Variants in CSTPP1 observed in about 807,000 individuals in gnomAD.
The protein encoded by CSTPP1 is centriolar satellite-associated tubulin polyglutamylase complex regulator 1, also known as UPF0705 protein C11orf49.
chr11:46,948,076 A>G, the CSTPP1 span: 1 of 456,286 alleles, frequency 2.2e-6, no homozygotes, highest in South Asian at 1.5e-5. Flanking sequence ...GAAAGGCCAC[A>G]CGTCTTCGGC....
chr11:47,120,148 G>A, the CSTPP1 span, among the ~76,000 whole-genome samples: 1 of 152,174 alleles, frequency 6.6e-6, no homozygotes. This position sits in a 1 kb window ranked among gnomAD's most constrained non-coding sequence, Gnocchi z 4.2. Flanking sequence ...GCTTCTGTGG[G>A]TTTAGGGTAC....
the CSTPP1 span, among the ~76,000 whole-genome samples, chr11:46,965,072 G>T: frequency 6.6e-6 from 1 of 151,980 alleles, no homozygotes; most frequent in Admixed American, 6.6e-5. Context: ...TTTATTCAAA[G>T]AAACCATAAA....
the CSTPP1 span, among the ~76,000 whole-genome samples, chr11:46,939,980 C>T: frequency 6.6e-6 from 1 of 152,180 alleles, no homozygotes; most frequent in Non-Finnish European, 1.5e-5. Flanking sequence ...AAGCCATTCT[C>T]CTGCCCCAGC....
chr11:46,943,143 A>C, the CSTPP1 span, among the ~76,000 whole-genome samples: 1 of 152,214 alleles, frequency 6.6e-6, no homozygotes, highest in Admixed American at 6.5e-5. Context: ...TGGAATATGA[A>C]TAATCTGACC....
chr11:46,941,449 C>T, the CSTPP1 span, among the ~76,000 whole-genome samples: 1 of 152,168 alleles, frequency 6.6e-6, no homozygotes, highest in Non-Finnish European at 1.5e-5. Context: ...AAGTGATTCT[C>T]GTGTCTCAGC....
the CSTPP1 span, among the ~76,000 whole-genome samples, chr11:47,017,593 A>G: frequency 2.0e-5 from 3 of 151,388 alleles, no homozygotes; most frequent in East Asian, 3.9e-4. Context: ...CCTGACAACC[A>G]CTGATTTGTT....
chr11:47,005,988 T>G, the CSTPP1 span, among the ~76,000 whole-genome samples: 1 of 152,172 alleles, frequency 6.6e-6, no homozygotes, highest in Admixed American at 6.5e-5. Context: ...GACCAGAAAT[T>G]TCAACTCTTA....
the CSTPP1 span, among the ~76,000 whole-genome samples, chr11:47,163,612 G>A: frequency 1.3e-5 from 2 of 152,122 alleles, no homozygotes; most frequent in African/African-American, 2.4e-5. Context: ...TCCCATTAAC[G>A]TCTAAGAGTA....
the CSTPP1 span, among the ~76,000 whole-genome samples, chr11:47,023,817 TTGTA>T: frequency 6.6e-6 from 1 of 152,214 alleles, no homozygotes; most frequent in African/African-American, 2.4e-5. Flanking sequence ...TAATAGTCCG[TTGTA>T]TGTATGTATC....
At chr11:47,004,108 A>T in the CSTPP1 span, among the ~76,000 whole-genome samples, 2 of 150,874 alleles carry the variant, frequency 1.3e-5, no homozygotes, top group African/African-American at 4.9e-5. Context: ...GAAGATCTTG[A>T]GGACTTTTTA....
At chr11:47,052,628 T>A in the CSTPP1 span, 12 of 1,391,448 alleles carry the variant, frequency 8.6e-6, no homozygotes, top group African/African-American at 1.6e-4. Context: ...TCTTTCTCTT[T>A]CAAACTTTTT....
the CSTPP1 span, chr11:47,052,869 G>A: frequency 2.4e-5 from 4 of 166,018 alleles, no homozygotes; most frequent in Non-Finnish European, 5.2e-5. Flanking sequence ...ATGAAACTGA[G>A]GATCAGAGAG....
At chr11:46,960,286 A>C in the CSTPP1 span, among the ~76,000 whole-genome samples, 4 of 152,142 alleles carry the variant, frequency 2.6e-5, no homozygotes, top group East Asian at 5.8e-4. Flanking sequence ...TTAGTATACT[A>C]TGCATGACGC....
chr11:47,118,873 C>G, the CSTPP1 span, among the ~76,000 whole-genome samples: 71 of 152,276 alleles, frequency 4.7e-4, 1 homozygote, highest in South Asian at 6.8e-3. Context: ...GTCTGTCGGC[C>G]CCTACTGGGA....
the CSTPP1 span, among the ~76,000 whole-genome samples, chr11:47,094,502 G>GAC: frequency 5.3e-5 from 8 of 151,704 alleles, no homozygotes; most frequent in Non-Finnish European, 8.8e-5. Context: ...GAGAGAGAGA[G>GAC]AAACTTTTGA....
chr11:47,091,882 G>A, the CSTPP1 span, among the ~76,000 whole-genome samples: 2 of 152,192 alleles, frequency 1.3e-5, no homozygotes, highest in African/African-American at 4.8e-5. Context: ...AGAACCTCCA[G>A]GAGGAACCAG....
the CSTPP1 span, chr11:47,157,667 T>A: frequency 4.7e-6 from 2 of 429,860 alleles, no homozygotes; most frequent in Non-Finnish European, 8.6e-6. Flanking sequence ...CTCCTGACCA[T>A]AGTGAAGGCC....
At chr11:46,965,204 A>T in the CSTPP1 span, among the ~76,000 whole-genome samples, 3 of 151,468 alleles carry the variant, frequency 2.0e-5, no homozygotes, top group Non-Finnish European at 4.4e-5. Context: ...AGCCTATAGC[A>T]TATTAACACA....
At chr11:47,018,561 G>C in the CSTPP1 span, among the ~76,000 whole-genome samples, 301 of 152,216 alleles carry the variant, frequency 2.0e-3, no homozygotes, top group African/African-American at 7.1e-3. Flanking sequence ...CCAAAGTGCT[G>C]GGATTACAGG....
Sources: allele counts gnomAD v4.1 joint callset (sites outside exome capture counted in the v4.1 genomes callset), GRCh38; gene constraint gnomAD v4.1.1; non-coding constraint Gnocchi (gnomAD v3.1); transcripts MANE v1.5; gene names NCBI Gene and HGNC (gene_info 2026-07-23, HGNC 2026-07-21).